GPR158: variants seen among roughly 807,000 people sequenced by gnomAD.
GPR158 encodes the protein G protein-coupled receptor 158.
In GPR158, 30 loss-of-function variants were observed where a neutral mutation model predicts 78.2. The observed-to-expected ratio is 0.38, with a 90% CI of 0.29 to 0.52. GPR158 has a LOEUF of 0.52. Among genes scored for constraint, GPR158 ranks in the 20% least tolerant of loss-of-function variants. GPR158 has a pLI of 0.83. For synonymous variants in GPR158, 581 were observed against 591.1 expected (o/e 0.98, Z 0.25); for missense variants, 1,463 against 1,523.5 (o/e 0.96, Z 0.66).
intron 2 of GPR158, among the ~76,000 whole-genome samples, chr10:25,385,253 T>C (rs925987810): frequency 1.3e-5 from 2 of 152,200 alleles, no homozygotes; most frequent in African/African-American, 4.8e-5. Context: ...TCACCTAGCA[T>C]AATGTCCTCT....
At chr10:25,226,285 G>A (rs1338566836) in intron 2 of GPR158, among the ~76,000 whole-genome samples, 1 of 152,096 alleles carries the variant, frequency 6.6e-6, no homozygotes, top group Non-Finnish European at 1.5e-5. Context: ...GTAACTAGTG[G>A]CTACCATGTT....
At chr10:25,357,000 G>C (rs11818891) in intron 2 of GPR158, among the ~76,000 whole-genome samples, 1 of 152,004 alleles carries the variant, frequency 6.6e-6, no homozygotes, top group Non-Finnish European at 1.5e-5. Context: ...AATAAGGTCC[G>C]GGCTGAAGTG....
At chr10:25,184,219 G>A (rs1237521978) in intron 1 of GPR158, among the ~76,000 whole-genome samples, 20 of 152,126 alleles carry the variant, frequency 1.3e-4, no homozygotes, top group Admixed American at 1.3e-3. Flanking sequence ...CTTAAAAAGA[G>A]ACAGGGTCCC....
chr10:25,575,003 A>C (rs570161697), intron 7 of GPR158, among the ~76,000 whole-genome samples: 53 of 150,990 alleles, frequency 3.5e-4, no homozygotes, highest in African/African-American at 1.2e-3. Context: ...GAAGGTGGAG[A>C]TTGCAGTGAG....
At chr10:25,570,006 C>G (rs1315439795) in intron 6 of GPR158, among the ~76,000 whole-genome samples, 1 of 152,014 alleles carries the variant, frequency 6.6e-6, no homozygotes, top group Non-Finnish European at 1.5e-5. Flanking sequence ...GTTTTTCTGC[C>G]CTTGCCAAAC....
chr10:25,412,219 A>G (rs1834600865), intron 3 of GPR158, 31 bp from the exon 4 acceptor site: 3 of 1,474,874 alleles, frequency 2.0e-6, no homozygotes, highest in East Asian at 2.3e-5. Flanking sequence ...AGAGGTGCAA[A>G]TGACACTGTG....
At chr10:25,207,759 A>G (rs2130664703) in intron 1 of GPR158, among the ~76,000 whole-genome samples, 1 of 152,234 alleles carries the variant, frequency 6.6e-6, no homozygotes, top group Non-Finnish European at 1.5e-5. Context: ...TACTAGGTTG[A>G]CTTTATATGA....
chr10:25,391,095 G>A (rs1834290775), intron 2 of GPR158, among the ~76,000 whole-genome samples: 1 of 152,226 alleles, frequency 6.6e-6, no homozygotes, highest in African/African-American at 2.4e-5. Flanking sequence ...CAAGAATTGA[G>A]GTTTGGGAAC....
intron 8 of GPR158, among the ~76,000 whole-genome samples, chr10:25,590,595 G>A (rs1837329458): frequency 6.6e-6 from 1 of 152,060 alleles, no homozygotes; most frequent in South Asian, 2.1e-4. Context: ...AGAATATCAA[G>A]CATATTCCAA....
At chr10:25,564,652 G>C (rs1414042) in intron 6 of GPR158, among the ~76,000 whole-genome samples, 85,995 of 152,004 alleles carry the variant, frequency 0.57, 26,436 homozygotes, top group African/African-American at 0.81. Flanking sequence ...TACTAGGTAC[G>C]TGTCCTGAGC....
chr10:25,395,761 C>T (rs1162023884), intron 2 of GPR158, 150 bp from the exon 3 acceptor site: 3 of 495,318 alleles, frequency 6.1e-6, no homozygotes, highest in African/African-American at 2.0e-5. Flanking sequence ...ATTGTTGGCA[C>T]AACAAAACTG....
chr10:25,369,247 G>A (rs1352917534), intron 2 of GPR158, among the ~76,000 whole-genome samples: 2 of 150,056 alleles, frequency 1.3e-5, no homozygotes, highest in Non-Finnish European at 3.0e-5. Context: ...TCTTGTGCCA[G>A]TTTTCAAAGG....
intron 5 of GPR158, among the ~76,000 whole-genome samples, chr10:25,484,031 C>A (rs1835699192): frequency 6.6e-6 from 1 of 152,106 alleles, no homozygotes; most frequent in Non-Finnish European, 1.5e-5. Flanking sequence ...TCTAATTTCC[C>A]TATGGGCTTA....
chr10:25,194,388 A>G (rs1852816911), intron 1 of GPR158, among the ~76,000 whole-genome samples: 1 of 152,014 alleles, frequency 6.6e-6, no homozygotes, highest in South Asian at 2.1e-4. Context: ...AAAATACAAA[A>G]ATTAGCCAAG....
At chr10:25,241,578 G>C (rs1181225525) in intron 2 of GPR158, among the ~76,000 whole-genome samples, 1 of 151,624 alleles carries the variant, frequency 6.6e-6, no homozygotes, top group Non-Finnish European at 1.5e-5. Context: ...GCACCACCAT[G>C]CCTGGCTAAT....
chr10:25,368,933 T>C (rs372970447), intron 2 of GPR158, among the ~76,000 whole-genome samples: 1 of 135,860 alleles, frequency 7.4e-6, no homozygotes, highest in East Asian at 2.0e-4. Context: ...TTTGAAGCAA[T>C]TGGGAATGGG....
At chr10:25,417,621 G>T (rs1010656826) in intron 4 of GPR158, among the ~76,000 whole-genome samples, 1 of 152,120 alleles carries the variant, frequency 6.6e-6, no homozygotes, top group African/African-American at 2.4e-5. Flanking sequence ...CAAATTCGAG[G>T]TTCTATTACC....
intron 4 of GPR158, among the ~76,000 whole-genome samples, chr10:25,465,797 T>C (rs1334859451): frequency 6.6e-6 from 1 of 152,232 alleles, no homozygotes; most frequent in Non-Finnish European, 1.5e-5. Flanking sequence ...TGGCATTCAG[T>C]ATGCACTGGT....
At chr10:25,592,741 A>G (rs751695518) in intron 8 of GPR158, among the ~76,000 whole-genome samples, 19 of 151,954 alleles carry the variant, frequency 1.3e-4, no homozygotes, top group South Asian at 4.1e-4. Context: ...TTCTCAATAC[A>G]TGAGGATCCT....
Sources: allele counts gnomAD v4.1 joint callset (sites outside exome capture counted in the v4.1 genomes callset), GRCh38; gene constraint gnomAD v4.1.1; transcripts MANE v1.5; gene names NCBI Gene and HGNC (gene_info 2026-07-23, HGNC 2026-07-21).